KCNAB1: variants seen among roughly 807,000 people sequenced by gnomAD.
The protein encoded by KCNAB1 is voltage-gated potassium channel subunit beta-1.
A neutral mutation model predicts 64.6 loss-of-function variants in KCNAB1; 35 were observed. The observed-to-expected ratio is 0.54, with a 90% CI of 0.41 to 0.72. KCNAB1 has a LOEUF of 0.72. KCNAB1 is among the 30% of genes least tolerant of loss of function. The probability of loss-of-function intolerance (pLI) is 0.00; values close to 1 mark genes in which losing one functional copy is unlikely to be tolerated. For synonymous variants in KCNAB1, 177 were observed against 183.8 expected, an observed-to-expected ratio of 0.96 and a Z score of 0.30; for missense variants, 401 against 512.9, an observed-to-expected ratio of 0.78 and a Z score of 2.11.
chr3:156,456,105 T>A (rs542893221), intron 3 of KCNAB1: 2 of 152,348 alleles, frequency 1.3e-5, no homozygotes, highest in East Asian at 3.9e-4. Context: ...ATGATTTGCC[T>A]ACGTTTATTT....
At chr3:156,339,986 C>T (rs1254826833) in intron 1 of KCNAB1, among the ~76,000 whole-genome samples, 1 of 152,126 alleles carries the variant, frequency 6.6e-6, no homozygotes, top group Non-Finnish European at 1.5e-5. Context: ...TCAAGATGAT[C>T]ATAAAGATCA....
intron 1 of KCNAB1, among the ~76,000 whole-genome samples, chr3:156,185,140 AC>A (rs746028562): frequency 2.0e-5 from 3 of 152,104 alleles, no homozygotes; most frequent in Non-Finnish European, 2.9e-5. Context: ...CTAAGTCCCT[AC>A]CTGTTGTCTT....
intron 1 of KCNAB1, among the ~76,000 whole-genome samples, chr3:156,226,499 A>G (rs1335162160): frequency 6.6e-6 from 1 of 152,226 alleles, no homozygotes; most frequent in Non-Finnish European, 1.5e-5. Context: ...ACATTGGCTT[A>G]GACAAGACGT....
chr3:156,505,643 A>G (rs1351642321), intron 8 of KCNAB1, among the ~76,000 whole-genome samples: 1 of 152,170 alleles, frequency 6.6e-6, no homozygotes, highest in Non-Finnish European at 1.5e-5. Flanking sequence ...TAGGTGTATT[A>G]TGCCATTTTT....
chr3:156,202,891 C>T (rs1171995453), intron 1 of KCNAB1, among the ~76,000 whole-genome samples: 2 of 152,138 alleles, frequency 1.3e-5, no homozygotes, highest in Non-Finnish European at 1.5e-5. Context: ...CTGAAATAAA[C>T]TCTACTTGGT....
chr3:156,413,968 T>A (rs1008958565), intron 1 of KCNAB1, among the ~76,000 whole-genome samples: 6 of 152,174 alleles, frequency 3.9e-5, no homozygotes, highest in African/African-American at 1.4e-4. Context: ...AATTTTCTGT[T>A]CCTCTGTCAA....
intron 1 of KCNAB1, among the ~76,000 whole-genome samples, chr3:156,416,617 A>C (rs1715098045): frequency 6.6e-6 from 1 of 152,188 alleles, no homozygotes; most frequent in Non-Finnish European, 1.5e-5. Flanking sequence ...CAAATAATTA[A>C]TCTATTTAAT....
intron 1 of KCNAB1, among the ~76,000 whole-genome samples, chr3:156,230,271 C>A (rs1716441575): frequency 6.6e-6 from 1 of 152,102 alleles, no homozygotes; most frequent in Non-Finnish European, 1.5e-5. Context: ...TTGTGCTGTA[C>A]CTTTTTATGT....
chr3:156,374,894 T>G (rs1447251992), intron 1 of KCNAB1, among the ~76,000 whole-genome samples: 5 of 136,164 alleles, frequency 3.7e-5, no homozygotes, highest in Admixed American at 3.5e-4. Context: ...TGAATATAAA[T>G]GATTAATAGA....
At chr3:156,283,049 T>C (rs1405338062) in intron 1 of KCNAB1, among the ~76,000 whole-genome samples, 3 of 151,590 alleles carry the variant, frequency 2.0e-5, no homozygotes, top group African/African-American at 7.3e-5. Context: ...TGATGCAGTT[T>C]CTTCCTAGTC....
intron 1 of KCNAB1, among the ~76,000 whole-genome samples, chr3:156,338,969 T>C (rs968539398): frequency 1.3e-5 from 2 of 152,166 alleles, no homozygotes; most frequent in Non-Finnish European, 2.9e-5. Flanking sequence ...AACACATATC[T>C]TTAGAAACAT....
intron 2 of KCNAB1, chr3:156,446,695 T>C (rs1390652344): frequency 6.6e-6 from 1 of 152,198 alleles, no homozygotes; most frequent in Non-Finnish European, 1.5e-5. Flanking sequence ...GTAAATACTA[T>C]TGCTTCCCCT....
At chr3:156,179,359 A>C (rs932674234) in intron 1 of KCNAB1, among the ~76,000 whole-genome samples, 1 of 152,128 alleles carries the variant, frequency 6.6e-6, no homozygotes, top group Non-Finnish European at 1.5e-5. Context: ...GGGGGATATA[A>C]AATTTTATAA....
rs530554135 is a variant in KCNAB1, at chr3:156,417,129, G to A, written c.276-4487G>A. Among the ~76,000 whole-genome samples, 16 of 152,272 alleles carry A rather than the reference G, an allele frequency of 1.1e-4. 1 individual carries two copies. In the South Asian group the frequency reaches 3.3e-3, roughly 32 times the overall value. On this transcript the variant is annotated intron_variant, in intron 1 of 13. Transcript: ENST00000490337. ...TAGCCACCTTCATGGCTGTCAAAAT[G>A]TATGTTACCTTGTAACTATCAAAAC...
At chr3:156,127,753 C>T (rs1257199427) in intron 1 of KCNAB1, among the ~76,000 whole-genome samples, 2 of 152,314 alleles carry the variant, frequency 1.3e-5, no homozygotes, top group East Asian at 1.9e-4. Context: ...CATCCCTGGA[C>T]GGGCACATCC....
intron 2 of KCNAB1, among the ~76,000 whole-genome samples, chr3:156,424,755 T>C (rs910249373): frequency 1.3e-5 from 2 of 152,198 alleles, no homozygotes; most frequent in African/African-American, 4.8e-5. Flanking sequence ...CCAGTTTTTG[T>C]TGATTTTTGT....
intron 1 of KCNAB1, among the ~76,000 whole-genome samples, chr3:156,253,587 T>C (rs1474793931): frequency 6.6e-6 from 1 of 152,222 alleles, no homozygotes. Flanking sequence ...ACCTACTCTT[T>C]TCCTTGCTAA....
In KCNAB1 at chr3:156,515,163, C is replaced by A. The variant is rs1401332254; in HGVS notation, c.808C>A (p.His270Asn). 6.2e-7 allele frequency: 1 copy of A among 1,613,132 alleles called. No individual in the cohort carries two copies. Among genetic ancestry groups the A allele is most frequent in the Non-Finnish European group, 8.5e-7 (1 of 1,179,308 alleles). Residue 270 changes from histidine (H) to asparagine (N), a missense_variant, in exon 10 of 14, where the codon CAT becomes AAT. Physicochemically the swap from His to Asn is moderately conservative, Grantham distance 68. Transcript: ENST00000490337. ...IPPVCEQAEY[H>N]LFQREKVEVQ... ...ACCGGTCTGTGAACAAGCTGAGTAC[C>A]ATCTTTTCCAGAGAGAGAAAGTGGA... is the stretch of plus-strand genomic sequence containing the variant.
intron 1 of KCNAB1, among the ~76,000 whole-genome samples, chr3:156,170,746 C>A (rs1056936566): frequency 2.6e-5 from 4 of 152,150 alleles, no homozygotes; most frequent in Admixed American, 6.5e-5. Flanking sequence ...TTGGCATGCA[C>A]ACCCCAAACA....
Sources: allele counts gnomAD v4.1 joint callset (sites outside exome capture counted in the v4.1 genomes callset), GRCh38; gene constraint gnomAD v4.1.1; transcripts MANE v1.5; gene names NCBI Gene and HGNC (gene_info 2026-07-23, HGNC 2026-07-21).